Variants in OSBPL5 observed in about 807,000 individuals in gnomAD.
OSBPL5 encodes the protein oxysterol-binding protein-related protein 5.
In OSBPL5, 71 loss-of-function variants were observed where a neutral mutation model predicts 111.2. The ratio of observed to expected loss-of-function variants is 0.64; its 90% CI spans 0.53 to 0.78. The LOEUF is 0.78. Among genes scored for constraint, OSBPL5 ranks in the 30% least tolerant of loss-of-function variants. The pLI is 0.00. For synonymous variants in OSBPL5, 549 were observed against 513.9 expected (o/e 1.07, Z -0.93); for missense variants, 1,210 against 1,189.3 (o/e 1.02, Z -0.26).
chr11:3,108,038 C>G, intron 7 of OSBPL5, 93 bp from the exon 8 acceptor site: 1 of 1,487,658 alleles, frequency 6.7e-7, no homozygotes, highest in Non-Finnish European at 9.0e-7. Flanking sequence ...CTCACTCTGA[C>G]TCTTCAGGGA....
At chr11:3,157,757 C>A (rs529512762) in intron 1 of OSBPL5, among the ~76,000 whole-genome samples, 59 of 152,358 alleles carry the variant, frequency 3.9e-4, no homozygotes, top group Non-Finnish European at 3.8e-4. Context: ...ACTGGCCCAG[C>A]CTGCTGGGCT....
chr11:3,152,107 G>A (rs947867828), intron 1 of OSBPL5, among the ~76,000 whole-genome samples: 2 of 152,208 alleles, frequency 1.3e-5, no homozygotes, highest in African/African-American at 4.8e-5. Flanking sequence ...GGTCTTTATG[G>A]TGGCTCTGCC....
At chr11:3,112,479 T>TTC (rs1491399199) in intron 7 of OSBPL5, among the ~76,000 whole-genome samples, 1 of 37,120 alleles carries the variant, frequency 2.7e-5, no homozygotes, top group Non-Finnish European at 5.2e-5. Flanking sequence ...TTTTCTTTTC[T>TTC]TTTTTTTTTT....
At position 3,126,739 on chromosome 11, in the gene OSBPL5, C is replaced by G; in HGVS notation, c.137-184G>C. The G allele has an allele frequency of 2.0e-6, 1 of 507,242 alleles. No individual in the cohort carries two copies. The highest frequency in any genetic ancestry group is 5.3e-4 in the Middle Eastern group (1 of 1,874). The allele number at this position is 507,242 out of a possible 1,614,324, so 31.4% of individuals were successfully genotyped here. On this transcript the variant is annotated intron_variant, in intron 2 of 21. Coordinates refer to ENST00000263650, the MANE Select transcript of OSBPL5 (RefSeq NM_020896.4). The surrounding 1 kb of genome is among the most constrained non-coding windows in gnomAD (Gnocchi z 6.5). ...AGGTGTAATAAACGCCAGCAAGCGT[C>G]ACTGTGGGAGGAGTGTGCCAGGAGA...
chr11:3,128,167 G>A (rs1466045), intron 2 of OSBPL5, among the ~76,000 whole-genome samples: 84,666 of 152,144 alleles, frequency 0.56, 24,236 homozygotes, highest in Non-Finnish European at 0.62. Flanking sequence ...CTTTGGCTGC[G>A]ACCACACGCC....
intron 7 of OSBPL5, 27 bp downstream of exon 7, chr11:3,119,520 G>T (rs746934121): frequency 6.4e-7 from 1 of 1,560,818 alleles, no homozygotes; most frequent in Admixed American, 2.0e-5. Context: ...GGGCACTGGG[G>T]AGATGCGCAA....
chr11:3,128,928 G>A, intron 2 of OSBPL5, 85 bp downstream of exon 2: 1 of 1,235,186 alleles, frequency 8.1e-7, no homozygotes, highest in Non-Finnish European at 1.1e-6. Flanking sequence ...GGACCTCAAG[G>A]GGCACAGAGG....
chr11:3,112,003 G>GTA (rs772610919), intron 7 of OSBPL5, among the ~76,000 whole-genome samples: 50,011 of 140,698 alleles, frequency 0.36, 10,002 homozygotes, highest in African/African-American at 0.56. Context: ...GCATGTGTGT[G>GTA]TGTGTGCGCG....
At chr11:3,119,490 A>AG (rs34387367) in intron 7 of OSBPL5, 57 bp downstream of exon 7, 1 of 1,497,778 alleles carries the variant, frequency 6.7e-7, no homozygotes, top group Non-Finnish European at 8.9e-7. Flanking sequence ...CAACCTCAAA[A>AG]GGGGGCCCAC....
intron 3 of OSBPL5, among the ~76,000 whole-genome samples, chr11:3,125,578 G>C (rs1858582535): frequency 6.6e-6 from 1 of 152,204 alleles, no homozygotes. Context: ...GGCCGAGGCG[G>C]GTGGATCATG....
At position 3,094,222 on chromosome 11, in the gene OSBPL5, T is replaced by G; in HGVS notation, c.1719+15A>C. 1 of 1,611,840 alleles carries G rather than the reference T, an allele frequency of 6.2e-7. No individual in the cohort carries two copies. Among genetic ancestry groups the G allele is most frequent in the East Asian group, 2.2e-5 (1 of 44,840 alleles). Reference sequence around the variant, plus strand: ...TTCCCTGGCCTCGTCTCCCCCAGGCTGCAGCCAGCGCTACCTTGAGTTTGA... The same window carrying G: ...TTCCCTGGCCTCGTCTCCCCCAGGCGGCAGCCAGCGCTACCTTGAGTTTGA... On this transcript the variant is annotated intron_variant, in intron 15 of 21. Coordinates refer to ENST00000263650, the MANE Select transcript of OSBPL5 (RefSeq NM_020896.4).
intron 15 of OSBPL5, 138 bp downstream of exon 15, chr11:3,094,099 C>G: frequency 1.2e-6 from 1 of 859,096 alleles, no homozygotes; most frequent in Non-Finnish European, 1.8e-6. Flanking sequence ...TGTCTGTGTT[C>G]CGGGATGTCA....
rs73416001 is a variant in OSBPL5, at chr11:3,152,600, C to T, written c.-22+12616G>A. On this transcript the variant is annotated intron_variant, in intron 1 of 21. Transcript: ENST00000263650. The stretch of plus-strand genomic sequence containing the variant: ...CTGCAGGATTATCGGGAGCGGCCTG[C>T]GAGGCGCGATGGGCTCGGGCTCAGG... 8.0e-3 allele frequency among the ~76,000 whole-genome samples: 1,214 copies of T among 152,286 alleles called. 14 individuals are homozygous for T. The highest frequency in any genetic ancestry group is 0.024 in the South Asian group (115 of 4,830).
At chr11:3,163,141 C>G (rs889899027) in intron 1 of OSBPL5, among the ~76,000 whole-genome samples, 2 of 152,326 alleles carry the variant, frequency 1.3e-5, no homozygotes, top group South Asian at 4.1e-4. Context: ...CAGGCCTCTC[C>G]GGGAGAACCC....
chr11:3,163,415 C>G (rs1312940669), intron 1 of OSBPL5, among the ~76,000 whole-genome samples: 1 of 151,566 alleles, frequency 6.6e-6, no homozygotes, highest in East Asian at 1.9e-4. Flanking sequence ...CTCCCTCCCC[C>G]AAGCGTTACA....
In OSBPL5 at chr11:3,141,183, C is replaced by G. The variant is rs1212683082; in HGVS notation, c.-21-12014G>C. ...TGCTGACAGCCACCCAGGCTTCCCCCCGCCCAGCAGACAGTATCGTCATCA... is the reference window on the plus strand; with the variant it reads ...TGCTGACAGCCACCCAGGCTTCCCCGCGCCCAGCAGACAGTATCGTCATCA... On this transcript the variant is annotated intron_variant, in intron 1 of 21. Coordinates refer to ENST00000263650, the MANE Select transcript of OSBPL5 (RefSeq NM_020896.4). The surrounding 1 kb of genome is among the most constrained non-coding windows in gnomAD (Gnocchi z 6.5). Among the ~76,000 whole-genome samples, 5 of 152,328 alleles carry G rather than the reference C, an allele frequency of 3.3e-5. No homozygotes were observed. In the East Asian group the frequency reaches 9.7e-4, roughly 29 times the overall value.
intron 1 of OSBPL5, among the ~76,000 whole-genome samples, chr11:3,138,807 G>A (rs4262707): frequency 0.036 from 5,494 of 152,358 alleles, 372 homozygotes; most frequent in African/African-American, 0.13. Flanking sequence ...CAGCTGGGCT[G>A]TGGCCGCCTA....
At chr11:3,103,839 T>TGC (rs1857584953) in intron 10 of OSBPL5, among the ~76,000 whole-genome samples, 3 of 80,784 alleles carry the variant, frequency 3.7e-5, no homozygotes, top group Non-Finnish European at 8.2e-5. Flanking sequence ...TTCCAGCCTC[T>TGC]GCAGCCCCTT....
intron 1 of OSBPL5, among the ~76,000 whole-genome samples, chr11:3,149,743 AC>A (rs201759866): frequency 1.9e-4 from 29 of 150,964 alleles, no homozygotes; most frequent in African/African-American, 6.6e-4. Context: ...TCATCAAACG[AC>A]CCCCCCGTCA....
Sources: allele counts gnomAD v4.1 joint callset (sites outside exome capture counted in the v4.1 genomes callset), GRCh38; gene constraint gnomAD v4.1.1; non-coding constraint Gnocchi (gnomAD v3.1); transcripts MANE v1.5; gene names NCBI Gene and HGNC (gene_info 2026-07-23, HGNC 2026-07-21).